Variants in PDGFRB observed in about 807,000 individuals in gnomAD.
PDGFRB encodes the protein platelet derived growth factor receptor beta.
Under a neutral mutation model 120.2 loss-of-function variants are expected in PDGFRB, and 42 were observed. That is an observed-to-expected ratio of 0.35 (90% CI 0.27 to 0.45). The LOEUF (loss-of-function observed/expected upper bound fraction) is 0.45, where lower values mean the gene tolerates loss of function less well. Among genes scored for constraint, PDGFRB ranks in the 20% least tolerant of loss-of-function variants. The probability of loss-of-function intolerance (pLI) is 1.00; values close to 1 mark genes in which losing one functional copy is unlikely to be tolerated. For missense variants in PDGFRB, 1,149 were observed against 1,476.3 expected, an observed-to-expected ratio of 0.78 and a Z score of 3.63; for synonymous variants, 586 against 606.8, an observed-to-expected ratio of 0.97 and a Z score of 0.50.
At chr5:150,123,916 G>A (rs1760215888) in intron 14 of PDGFRB, among the ~76,000 whole-genome samples, 1 of 152,176 alleles carries the variant, frequency 6.6e-6, no homozygotes, top group Admixed American at 6.5e-5. Flanking sequence ...GGTCTCCAAT[G>A]GTGGGCATAT....
intron 15 of PDGFRB, among the ~76,000 whole-genome samples, chr5:150,122,692 C>T (rs900638765): frequency 6.6e-6 from 1 of 152,178 alleles, no homozygotes; most frequent in African/African-American, 2.4e-5. Context: ...GTAGAGGCTG[C>T]AGAGAGGAAC....
At position 150,115,778 on chromosome 5, in the gene PDGFRB, C is replaced by T; in HGVS notation, c.3306G>A (p.Glu1102=). The T allele has an allele frequency of 1.9e-6, 3 of 1,607,630 alleles. No individual in the cohort carries two copies. Among genetic ancestry groups the T allele is most frequent in the Non-Finnish European group, 2.5e-6 (3 of 1,177,090 alleles). The stretch of plus-strand genomic sequence containing the variant: ...GGCCAGCCCCCTACAGGAAGCTATC[C>T]TCTGCTTCCGCCCGAGGCGCAGGGC... ...SGCPAPRAEA[E]DSFL Residue 1102 remains glutamate, a synonymous_variant, in exon 23 of 23, where the codon GAG becomes GAA. Transcript: ENST00000261799.
intron 1 of PDGFRB, chr5:150,137,281 G>A: frequency 3.9e-6 from 2 of 508,142 alleles, no homozygotes; most frequent in Non-Finnish European, 7.0e-6. Context: ...CTTTGCTTTG[G>A]CTCTGCTTGT....
In PDGFRB at chr5:150,132,634, G is replaced by T. The variant is rs181715162; in HGVS notation, c.1127+116C>A. On this transcript the variant is annotated intron_variant, in intron 7 of 22. Coordinates refer to ENST00000261799, the MANE Select transcript of PDGFRB (RefSeq NM_002609.4). The surrounding 1 kb of genome is among the most constrained non-coding windows in gnomAD (Gnocchi z 5.0). The stretch of plus-strand genomic sequence containing the variant: ...GTCGCTGCAGCATCCCCAGCACCTG[G>T]CACCTAATATGCTCTCAGAAAGCTG... The T allele has an allele frequency of 6.6e-5, 61 of 922,920 alleles. No individual in the cohort carries two copies. In the African/African-American group the frequency reaches 8.8e-4, roughly 13 times the overall value. 57.2% of individuals were successfully genotyped at this position (922,920 alleles called of 1,614,324 possible).
At position 150,115,173 on chromosome 5, in the gene PDGFRB, G is replaced by A; in HGVS notation, c.*590C>T. 4.3e-6 allele frequency: 1 copy of A among 233,144 alleles called. No homozygotes were observed. The highest frequency in any genetic ancestry group is 8.5e-6 in the Non-Finnish European group (1 of 117,998). 14.4% of individuals were successfully genotyped at this position (233,144 alleles called of 1,614,324 possible). ...TAGGCTGCCTAATGGCCCCAGACCA[G>A]CTCGGGCCAGGGAACGCAGGGACTG... On this transcript the variant is annotated 3_prime_UTR_variant, in exon 23 of 23. Transcript: ENST00000261799.
chr5:150,120,746 A>T lies in PDGFRB; in HGVS notation c.2586+142T>A. On this transcript the variant is annotated intron_variant, in intron 18 of 22. Transcript: ENST00000261799. The surrounding 1 kb of genome is among the most constrained non-coding windows in gnomAD (Gnocchi z 4.3). ...CCTGCACACATAGCTGGGCAGGCAC[A>T]GCCCATCACTGCTGTCAGGGCAGGC... is the stretch of plus-strand genomic sequence containing the variant. 3.9e-6 allele frequency: 3 copies of T among 771,382 alleles called. No individual in the cohort carries two copies. Among genetic ancestry groups the T allele is most frequent in the South Asian group, 3.4e-5 (2 of 58,300 alleles). 47.8% of individuals were successfully genotyped at this position (771,382 alleles called of 1,614,324 possible).
intron 8 of PDGFRB, among the ~76,000 whole-genome samples, 154 bp from the exon 9 acceptor site, chr5:150,130,816 G>A (rs558398744): frequency 1.3e-5 from 2 of 152,132 alleles, no homozygotes; most frequent in South Asian, 2.1e-4. Context: ...TGTGAAAACC[G>A]ATGGGTTCCC....
intron 22 of PDGFRB, among the ~76,000 whole-genome samples, chr5:150,117,122 G>A (rs1759960567): frequency 6.6e-6 from 1 of 152,192 alleles, no homozygotes; most frequent in Admixed American, 6.5e-5. Flanking sequence ...AGAAAACCAC[G>A]AATCTCCTTC....
intron 12 of PDGFRB, 152 bp from the exon 13 acceptor site, chr5:150,124,983 A>C (rs2113896326): frequency 1.7e-6 from 1 of 576,854 alleles, no homozygotes. Context: ...CAACCTAGAC[A>C]TTACTTAAAC....
At chr5:150,150,786 T>C (rs906258449) in intron 1 of PDGFRB, among the ~76,000 whole-genome samples, 10 of 152,036 alleles carry the variant, frequency 6.6e-5, no homozygotes, top group Admixed American at 1.3e-4. Context: ...CTGTGTCCAT[T>C]CCCCCCCTCA....
intron 6 of PDGFRB, 58 bp downstream of exon 6, chr5:150,133,527 TG>T: frequency 7.1e-7 from 1 of 1,406,216 alleles, no homozygotes; most frequent in Non-Finnish European, 1.0e-6. Flanking sequence ...CCCAGCAAAG[TG>T]GGTGAGGGTG....
At chr5:150,124,161 G>A (rs1036054183) in intron 14 of PDGFRB, 89 bp downstream of exon 14, 28 of 842,332 alleles carry the variant, frequency 3.3e-5, no homozygotes, top group Non-Finnish European at 5.4e-5. Flanking sequence ...GGAGTGTGCT[G>A]TTGTGCAAGG....
intron 1 of PDGFRB, among the ~76,000 whole-genome samples, chr5:150,145,486 G>C (rs1051113145): frequency 6.6e-6 from 1 of 152,200 alleles, no homozygotes; most frequent in African/African-American, 2.4e-5. Context: ...ATCTCACCAA[G>C]TCCTCAGAAC....
intron 21 of PDGFRB, 60 bp downstream of exon 21, chr5:150,118,687 C>T (rs948766216): frequency 1.4e-5 from 14 of 1,006,434 alleles, no homozygotes; most frequent in East Asian, 9.5e-5. Flanking sequence ...GCCTTGTACT[C>T]GGTGTCTGAC....
Position 150,155,025 on chromosome 5 carries a change from T to C in PDGFRB, c.-7+372A>G, listed in dbSNP as rs539952478. 3.9e-5 allele frequency among the ~76,000 whole-genome samples: 6 copies of C among 152,282 alleles called. No individual in the cohort carries two copies. The South Asian group carries it at 1.2e-3, about 32-fold the overall frequency. On this transcript the variant is annotated intron_variant, in intron 1 of 22. Transcript: ENST00000261799. ...GGTCCTGAGGTCCCCAGTCCCCTGC[T>C]TTCTGTGTACCCTGCCTACCTTCTC...
chr5:150,146,356 A>C (rs898122503), intron 1 of PDGFRB, among the ~76,000 whole-genome samples: 1 of 152,236 alleles, frequency 6.6e-6, no homozygotes, highest in Non-Finnish European at 1.5e-5. Flanking sequence ...ACTCTGCTAA[A>C]TGAGATGATC....
rs1760137625 is a variant in PDGFRB at position 150,121,652 on chromosome 5, C to T, written c.2344+228G>A. ...ACAAAAGGCCAGGTCCTCCCATATC[C>T]CTGCTCTCTCCCTCCCTGAGGGTTC... is the stretch of plus-strand genomic sequence containing the variant. On this transcript the variant is annotated intron_variant, in intron 16 of 22. Coordinates refer to ENST00000261799, the MANE Select transcript of PDGFRB (RefSeq NM_002609.4). The surrounding 1 kb of genome is among the most constrained non-coding windows in gnomAD (Gnocchi z 4.1). 1.3e-5 allele frequency among the ~76,000 whole-genome samples: 2 copies of T among 152,230 alleles called. No individual in the cohort carries two copies. The highest frequency in any genetic ancestry group is 6.5e-5 in the Admixed American group (1 of 15,286).
chr5:150,125,299 C>T, intron 12 of PDGFRB, 146 bp downstream of exon 12: 2 of 630,990 alleles, frequency 3.2e-6, no homozygotes, highest in Non-Finnish European at 5.5e-6. Context: ...TCTCATTGTA[C>T]ATAGTAGGAG....
intron 19 of PDGFRB, 119 bp from the exon 20 acceptor site, chr5:150,119,685 C>T: frequency 1.5e-6 from 1 of 685,078 alleles, no homozygotes; most frequent in Non-Finnish European, 2.6e-6. Flanking sequence ...GGGCAGTGCC[C>T]CTGGCATTTG....
Sources: allele counts gnomAD v4.1 joint callset (sites outside exome capture counted in the v4.1 genomes callset), GRCh38; gene constraint gnomAD v4.1.1; non-coding constraint Gnocchi (gnomAD v3.1); transcripts MANE v1.5; gene names NCBI Gene and HGNC (gene_info 2026-07-23, HGNC 2026-07-21).